The following ROBO2 variants were observed in gnomAD, a reference collection of about 807,000 sequenced individuals.
The protein encoded by ROBO2 is roundabout homolog 2.
Under a neutral mutation model 160.8 loss-of-function variants are expected in ROBO2, and 53 were observed. That is an observed-to-expected ratio of 0.33 (90% CI 0.26 to 0.41). ROBO2 has a LOEUF of 0.41. ROBO2 is among the 10% of genes least tolerant of loss of function. The pLI is 1.00. For missense variants in ROBO2, 1,577 were observed against 1,722.4 expected, an observed-to-expected ratio of 0.92 and a Z score of 1.49; for synonymous variants, 664 against 611.7, an observed-to-expected ratio of 1.09 and a Z score of -1.26.
chr3:77,115,575 A>G (rs1431106801), intron 2 of ROBO2, among the ~76,000 whole-genome samples: 1 of 152,214 alleles, frequency 6.6e-6, no homozygotes, highest in Non-Finnish European at 1.5e-5. Context: ...CAAATACAAT[A>G]AGCCTCACAT....
intron 2 of ROBO2, among the ~76,000 whole-genome samples, chr3:77,470,326 A>G (rs1324104557): frequency 6.6e-6 from 1 of 152,236 alleles, no homozygotes; most frequent in Non-Finnish European, 1.5e-5. Context: ...TTAGAGAAAA[A>G]GGTCAAATAG....
chr3:77,630,122 G>A (rs1436843425), intron 23 of ROBO2: 3 of 152,182 alleles, frequency 2.0e-5, no homozygotes, highest in Admixed American at 1.3e-4. Flanking sequence ...AATAGTGTTA[G>A]TGGCAATATC....
At chr3:77,219,013 G>A (rs1173127138) in intron 2 of ROBO2, among the ~76,000 whole-genome samples, 1 of 151,956 alleles carries the variant, frequency 6.6e-6, no homozygotes. Flanking sequence ...TTGTCTCCCG[G>A]GCTGGATTGC....
At chr3:76,788,566 A>G (rs1001874007) in intron 2 of ROBO2, among the ~76,000 whole-genome samples, 1 of 151,552 alleles carries the variant, frequency 6.6e-6, no homozygotes, top group Non-Finnish European at 1.5e-5. Context: ...TAGGACTTTT[A>G]TGATAAGAAA....
At chr3:77,079,059 G>A (rs970377705) in intron 1 of ROBO2, among the ~76,000 whole-genome samples, 3 of 151,946 alleles carry the variant, frequency 2.0e-5, no homozygotes, top group Admixed American at 6.6e-5. Flanking sequence ...GGCTTCTCCC[G>A]CCTCAGCCTC....
intron 2 of ROBO2, among the ~76,000 whole-genome samples, chr3:76,157,766 A>C (rs562395602): frequency 3.9e-5 from 6 of 152,136 alleles, no homozygotes; most frequent in Non-Finnish European, 4.4e-5. Context: ...TTTTCTTTGC[A>C]GTGTTGGCTA....
chr3:76,984,828 A>G (rs1226003425), intron 2 of ROBO2, among the ~76,000 whole-genome samples: 1 of 152,182 alleles, frequency 6.6e-6, no homozygotes, highest in East Asian at 1.9e-4. Context: ...ATACCACTAT[A>G]ATGCATTTAT....
intron 2 of ROBO2, among the ~76,000 whole-genome samples, chr3:76,665,306 A>C (rs2091976560): frequency 6.6e-6 from 1 of 152,144 alleles, no homozygotes; most frequent in African/African-American, 2.4e-5. Context: ...AGCAAAGGAG[A>C]TATTATCATT....
intron 2 of ROBO2, among the ~76,000 whole-genome samples, chr3:76,300,077 G>T (rs1291371072): frequency 6.6e-6 from 1 of 151,974 alleles, no homozygotes; most frequent in African/African-American, 2.4e-5. Flanking sequence ...AGTCCAGGTG[G>T]GTTTGAGTGG....
chr3:76,211,927 T>C (rs1317768574), intron 2 of ROBO2, among the ~76,000 whole-genome samples: 1 of 152,036 alleles, frequency 6.6e-6, no homozygotes, highest in East Asian at 1.9e-4. Context: ...CATGTTTCTT[T>C]TAATATGAAA....
At chr3:77,433,869 C>T (rs1298769523) in intron 2 of ROBO2, among the ~76,000 whole-genome samples, 1 of 151,998 alleles carries the variant, frequency 6.6e-6, no homozygotes, top group East Asian at 1.9e-4. Context: ...TTCCCTTATC[C>T]CCTGGATCAA....
At chr3:76,152,218 G>A (rs1254454858) in intron 2 of ROBO2, among the ~76,000 whole-genome samples, 1 of 152,108 alleles carries the variant, frequency 6.6e-6, no homozygotes, top group Non-Finnish European at 1.5e-5. Context: ...GATAGGTCCT[G>A]CACTTTGACC....
At chr3:76,158,428 A>G (rs1169696253) in intron 2 of ROBO2, among the ~76,000 whole-genome samples, 1 of 147,922 alleles carries the variant, frequency 6.8e-6, no homozygotes. Context: ...AAGTCCACAT[A>G]TTTAATGATA....
Position 76,629,081 on chromosome 3 carries a change from A to T in ROBO2, c.110-468933A>T, listed in dbSNP as rs368991711. Among the ~76,000 whole-genome samples, 9 of 152,300 alleles carry T rather than the reference A, an allele frequency of 5.9e-5. No individual in the cohort carries two copies. The East Asian group carries it at 1.5e-3, about 26-fold the overall frequency. ...TCATCCAGGTTCCCTTGAAACCAAC[A>T]TCACACATTTGGAAAAGGGCTGAAA... is the stretch of plus-strand genomic sequence containing the variant. On this transcript the variant is annotated intron_variant, in intron 2 of 26. Transcript: ENST00000487694.
chr3:76,209,426 A>G (rs995885428), intron 2 of ROBO2, among the ~76,000 whole-genome samples: 3 of 152,198 alleles, frequency 2.0e-5, no homozygotes, highest in South Asian at 2.1e-4. Flanking sequence ...TTTAGTCCCA[A>G]TAGATGCAGC....
At chr3:75,925,728 G>A (rs1453806048) in intron 1 of ROBO2, among the ~76,000 whole-genome samples, 5 of 152,148 alleles carry the variant, frequency 3.3e-5, no homozygotes, top group Non-Finnish European at 5.9e-5. Flanking sequence ...ACTTATGTGT[G>A]GGACATTATG....
chr3:77,088,851 T>C (rs2069718768), intron 1 of ROBO2, among the ~76,000 whole-genome samples: 3 of 152,168 alleles, frequency 2.0e-5, no homozygotes, highest in Non-Finnish European at 4.4e-5. Context: ...GTATGAACAG[T>C]AATCTAAAGT....
chr3:76,948,745 T>A (rs12496871), intron 2 of ROBO2, among the ~76,000 whole-genome samples: 3 of 142,708 alleles, frequency 2.1e-5, no homozygotes, highest in Non-Finnish European at 1.5e-5. Flanking sequence ...CTCATCCTGT[T>A]GCCAGGCTGG....
chr3:76,949,030 C>T (rs12493555), intron 2 of ROBO2, among the ~76,000 whole-genome samples: 32,918 of 147,912 alleles, frequency 0.22, 3,810 homozygotes, highest in South Asian at 0.33. Context: ...GGATTACAGG[C>T]GTGAGCCACC....
Sources: allele counts gnomAD v4.1 joint callset (sites outside exome capture counted in the v4.1 genomes callset), GRCh38; gene constraint gnomAD v4.1.1; transcripts MANE v1.5; gene names NCBI Gene and HGNC (gene_info 2026-07-23, HGNC 2026-07-21).